TMEM145: variants seen among roughly 807,000 people sequenced by gnomAD.
TMEM145 encodes transmembrane protein 145.
TMEM145 carries 46 observed loss-of-function variants against 68.5 expected under a neutral mutation model. The observed-to-expected ratio is 0.67, with a 90% CI of 0.53 to 0.86. The LOEUF (loss-of-function observed/expected upper bound fraction) is 0.86, where lower values mean the gene tolerates loss of function less well. TMEM145 is among the 40% of genes least tolerant of loss of function. The pLI is 0.00. For missense variants in TMEM145, 570 were observed against 645.8 expected (o/e 0.88, Z 1.27); for synonymous variants, 255 against 280.2 (o/e 0.91, Z 0.90).
In TMEM145 at chr19:42,320,388, T is replaced by C; in HGVS notation, c.1145T>C (p.Val382Ala). 6.2e-7 allele frequency: 1 copy of C among 1,614,148 alleles called. No individual in the cohort carries two copies. The highest frequency in any genetic ancestry group is 8.5e-7 in the Non-Finnish European group (1 of 1,180,038). The change falls in exon 13 of 15, where the codon GTC becomes GCC. Residue 382 changes from valine (V) to alanine (A), a missense_variant. By Grantham distance (64) the Val-to-Ala change is moderately conservative. Coordinates refer to ENST00000301204, the MANE Select transcript of TMEM145 (RefSeq NM_173633.3). ...GIPKWAREKI[V>A]NGIQLGIHLY... ...CCCAAGTGGGCCCGGGAGAAGATTG[T>C]CAATGGCATCCAGCTGGGGATCCAC...
rs145910034 is a variant in TMEM145, at chr19:42,315,451, G to A, written c.646+11G>A. 1.4e-4 allele frequency: 222 copies of A among 1,614,032 alleles called. No homozygotes were observed. The highest frequency in any genetic ancestry group is 6.6e-4 in the Middle Eastern group (4 of 6,044). On this transcript the variant is annotated intron_variant, in intron 8 of 14. Transcript: ENST00000301204. ...CAGCAGGAGTAGAGGGTGAGGTTCC[G>A]TGTCCCAACTTTTGGGTTCTGAAAG...
chr19:42,316,745 C>T lies in TMEM145; in HGVS notation c.806+5C>T, dbSNP rs772387902. 2 of 1,613,324 alleles carry T rather than the reference C, an allele frequency of 1.2e-6. No individual in the cohort carries two copies. Among genetic ancestry groups the T allele is most frequent in the South Asian group, 1.1e-5 (1 of 91,074 alleles). On this transcript the variant is annotated splice_donor_5th_base_variant and intron_variant, in intron 10 of 14. Transcript: ENST00000301204. Reference sequence around the variant, plus strand: ...GAAGGGATTCACGGTGACACGGTGCCCGGGCAGGGCGTGCTCGTGGGGCGG... The same window carrying T: ...GAAGGGATTCACGGTGACACGGTGCTCGGGCAGGGCGTGCTCGTGGGGCGG...
intron 11 of TMEM145, 45 bp from the exon 12 acceptor site, chr19:42,317,664 A>G: frequency 5.0e-6 from 8 of 1,607,858 alleles, no homozygotes; most frequent in Non-Finnish European, 6.8e-6. Context: ...ACCCTAATAG[A>G]GGGGAGGAGG....
At chr19:42,317,926 G>T (rs1219773184) in intron 12 of TMEM145, 45 bp downstream of exon 12, 1 of 1,608,844 alleles carries the variant, frequency 6.2e-7, no homozygotes, top group Non-Finnish European at 8.5e-7. Flanking sequence ...CCCTCTCGGG[G>T]CTCCCCAGAA....
At chr19:42,317,968 T>C in intron 12 of TMEM145, 87 bp downstream of exon 12, 1 of 1,430,432 alleles carries the variant, frequency 7.0e-7, no homozygotes, top group South Asian at 1.2e-5. Flanking sequence ...CCCTCCATAG[T>C]GAGGGAGATG....
At position 42,314,799 on chromosome 19, in the gene TMEM145, C is replaced by G; in HGVS notation, c.368C>G (p.Ser123Ter). The change falls in exon 5 of 15, where the codon TCA (serine) becomes TGA (stop). Residue 123 changes from serine (S) to a stop codon, truncating the protein, a stop_gained. Coordinates refer to ENST00000301204, the MANE Select transcript of TMEM145 (RefSeq NM_173633.3). LOFTEE classifies it high-confidence loss of function. ...QYAWSGCQVV[S>*]EEGTRYLSCS... ...CTTCTCGTTTGTCCCCAGGTGGTAT[C>G]AGAGGAGGGAACCCGCTACCTGAGC... 1 of 1,614,218 alleles carries G rather than the reference C, an allele frequency of 6.2e-7. No homozygotes were observed. The highest frequency in any genetic ancestry group is 1.1e-5 in the South Asian group (1 of 91,090).
intron 11 of TMEM145, 139 bp downstream of exon 11, chr19:42,317,102 T>C (rs991315511): frequency 1.4e-4 from 103 of 719,524 alleles, no homozygotes; most frequent in Admixed American, 1.3e-4. Context: ...TTTTCTGCTT[T>C]CCCATCTGTC....
intron 12 of TMEM145, among the ~76,000 whole-genome samples, chr19:42,319,757 CTTT>C (rs111353949): frequency 1.1e-4 from 11 of 102,576 alleles, no homozygotes; most frequent in African/African-American, 2.1e-4. Context: ...CTGATTTCTT[CTTT>C]TTTTTTTTTT....
rs1309183931 is a variant in TMEM145, at chr19:42,315,013, G to A, written c.441G>A (p.Glu147=). 6.2e-7 allele frequency: 1 copy of A among 1,614,126 alleles called. No individual in the cohort carries two copies. ...SFRSGDGLQL[E]YEMVLTNGKS... ...CACAGGGTGATGGATTGCAGCTGGA[G>A]TATGAGATGGTCCTCACCAATGGCA... is the stretch of plus-strand genomic sequence containing the variant. The change falls in exon 6 of 15, where the codon GAG becomes GAA. Residue 147 remains glutamate (E), a synonymous_variant. Coordinates refer to ENST00000301204, the MANE Select transcript of TMEM145 (RefSeq NM_173633.3).
Position 42,324,734 on chromosome 19 carries a change from C to A in TMEM145, c.1402-3C>A. On this transcript the variant is annotated splice_polypyrimidine_tract_variant and splice_region_variant and intron_variant, in intron 14 of 14. Transcript: ENST00000301204. ...GAGCCGCTCTCCCCGTCCCCTCCCT[C>A]AGCCCCTGCCCCGAGCGGCGCCGGA... 6.5e-7 allele frequency: 1 copy of A among 1,530,066 alleles called. No individual in the cohort carries two copies. The highest frequency in any genetic ancestry group is 8.7e-7 in the Non-Finnish European group (1 of 1,147,370). 94.8% of individuals were successfully genotyped at this position (1,530,066 alleles called of 1,614,324 possible). A position where few individuals can be genotyped will look rare whatever the true frequency, so the allele number is the denominator to read the frequency against.
At chr19:42,320,838 A>G (rs373488442) in intron 13 of TMEM145, among the ~76,000 whole-genome samples, 2 of 152,222 alleles carry the variant, frequency 1.3e-5, no homozygotes, top group East Asian at 3.9e-4. Flanking sequence ...CATGTTGGTC[A>G]GGCTAGTCTC....
chr19:42,324,471 G>T (rs908987270), intron 14 of TMEM145: 12 of 985,278 alleles, frequency 1.2e-5, no homozygotes, highest in Non-Finnish European at 1.4e-5. Flanking sequence ...CCGCACACCG[G>T]CTTCACCGAA....
Position 42,323,771 on chromosome 19 carries a change from C to G in TMEM145, c.1383C>G (p.Ile461Met). The change falls in exon 14 of 15, where the codon ATC becomes ATG. Residue 461 changes from isoleucine (I) to methionine (M), a missense_variant. Coordinates refer to ENST00000301204, the MANE Select transcript of TMEM145 (RefSeq NM_173633.3). ...SVPNFTELFSIPPPATSPLPR... is the reference protein window; with the variant it reads ...SVPNFTELFSMPPPATSPLPR... ...CCAACTTCACGGAGCTCTTCTCCAT[C>G]CCCCCGCCCGCCACCTCCGTAAGCC... 6.2e-7 allele frequency: 1 copy of G among 1,613,864 alleles called. No individual in the cohort carries two copies. The highest frequency in any genetic ancestry group is 8.5e-7 in the Non-Finnish European group (1 of 1,179,832).
chr19:42,316,490 T>C lies in TMEM145; in HGVS notation c.656T>C (p.Leu219Pro). Residue 219 changes from leucine to proline, a missense_variant, in exon 9 of 15, where the codon CTC becomes CCC. Transcript: ENST00000301204. Reference sequence around the variant, plus strand: ...CCCATCCTCCCCTCAGTCCTGAGCCTCCTATTTTTCTGCATCTACTGGGGT... The same window carrying C: ...CCCATCCTCCCCTCAGTCCTGAGCCCCCTATTTTTCTGCATCTACTGGGGT... ...MAAAGVEVLS[L>P]LFFCIYWGQY... The C allele has an allele frequency of 6.2e-7, 1 of 1,614,116 alleles. No homozygotes were observed. Among genetic ancestry groups the C allele is most frequent in the Non-Finnish European group, 8.5e-7 (1 of 1,179,966 alleles).
In TMEM145 at chr19:42,313,745, T is replaced by G. The variant is rs965908233; in HGVS notation, c.120+249T>G. On this transcript the variant is annotated intron_variant, in intron 1 of 14. Coordinates refer to ENST00000301204, the MANE Select transcript of TMEM145 (RefSeq NM_173633.3). The surrounding 1 kb of genome is among the most constrained non-coding windows in gnomAD (Gnocchi z 5.1). ...GAGCTGAGCGGGGAGGGGGAGCGGG[T>G]TGGGAGAGTCAGAGTTTGGGAAGGG... Among the ~76,000 whole-genome samples the G allele has an allele frequency of 8.7e-5, 13 of 150,276 alleles. No individual in the cohort carries two copies. Among genetic ancestry groups the G allele is most frequent in the East Asian group, 2.0e-4 (1 of 5,072 alleles).
Position 42,319,434 on chromosome 19 carries a change from AT to A in TMEM145, c.1074-874del, listed in dbSNP as rs201310102. Among the ~76,000 whole-genome samples the A allele has an allele frequency of 4.6e-5, 7 of 151,244 alleles. 1 individual carries two copies. The highest frequency in any genetic ancestry group is 4.2e-4 in the South Asian group (2 of 4,772). On this transcript the variant is annotated intron_variant, in intron 12 of 14. Coordinates refer to ENST00000301204, the MANE Select transcript of TMEM145 (RefSeq NM_173633.3). The stretch of plus-strand genomic sequence containing the variant: ...TTGTTCATTCATTCGTCAAATATCT[AT>A]TTTTTTTTGTTTGTTTGTTTTTTGT...
At chr19:42,315,753 T>C (rs1407697288) in intron 8 of TMEM145, among the ~76,000 whole-genome samples, 1 of 151,466 alleles carries the variant, frequency 6.6e-6, no homozygotes, top group Admixed American at 6.6e-5. Flanking sequence ...GGAACTAGGC[T>C]GGACACGGTG....
intron 12 of TMEM145, 107 bp from the exon 13 acceptor site, chr19:42,320,210 T>G: frequency 5.4e-6 from 8 of 1,485,420 alleles, no homozygotes; most frequent in Non-Finnish European, 7.4e-6. Context: ...CCCTCCAGTT[T>G]GGGACCTGCC....
intron 13 of TMEM145, chr19:42,321,125 A>T: frequency 2.5e-6 from 1 of 398,622 alleles, no homozygotes; most frequent in Non-Finnish European, 4.4e-6. Flanking sequence ...CCCTGCCCAA[A>T]TTCTGCCATC....
Sources: allele counts gnomAD v4.1 joint callset (sites outside exome capture counted in the v4.1 genomes callset), GRCh38; gene constraint gnomAD v4.1.1; non-coding constraint Gnocchi (gnomAD v3.1); transcripts MANE v1.5; gene names NCBI Gene and HGNC (gene_info 2026-07-23, HGNC 2026-07-21).